Variants in HHIP observed in about 807,000 individuals in gnomAD.
HHIP encodes the protein hedgehog-interacting protein.
Under a neutral mutation model 74.0 loss-of-function variants are expected in HHIP, and 12 were observed. The observed-to-expected ratio is 0.16, with a 90% CI of 0.10 to 0.26. The LOEUF (loss-of-function observed/expected upper bound fraction) is 0.26, where lower values mean the gene tolerates loss of function less well. Ranked by LOEUF, HHIP falls within the 10% of genes least tolerant of loss-of-function variation. HHIP has a pLI of 1.00. For synonymous variants in HHIP, 309 were observed against 311.6 expected, an observed-to-expected ratio of 0.99 and a Z score of 0.09; for missense variants, 788 against 845.0, an observed-to-expected ratio of 0.93 and a Z score of 0.84.
At chr4:144,677,213 A>C (rs1729191926) in intron 4 of HHIP, among the ~76,000 whole-genome samples, 1 of 152,220 alleles carries the variant, frequency 6.6e-6, no homozygotes, top group Non-Finnish European at 1.5e-5. Flanking sequence ...TTGGGGGACA[A>C]GACAGCTTAA....
chr4:144,727,857 A>G (rs1216442664), intron 11 of HHIP, among the ~76,000 whole-genome samples: 1 of 152,152 alleles, frequency 6.6e-6, no homozygotes, highest in African/African-American at 2.4e-5. Context: ...GTACATTGCT[A>G]CCTTTTTTCC....
At chr4:144,688,822 T>A (rs896831770) in intron 4 of HHIP, among the ~76,000 whole-genome samples, 1 of 152,104 alleles carries the variant, frequency 6.6e-6, no homozygotes, top group African/African-American at 2.4e-5. Context: ...ACTTCTCAAT[T>A]CTCCTGTGTC....
chr4:144,708,380 A>G (rs1448062108), intron 7 of HHIP, 69 bp downstream of exon 7: 1 of 1,505,582 alleles, frequency 6.6e-7, no homozygotes, highest in Non-Finnish European at 9.2e-7. Flanking sequence ...GGGAAAATAT[A>G]GCATAGAGCA....
chr4:144,672,207 C>G (rs1191865473), intron 4 of HHIP, among the ~76,000 whole-genome samples: 1 of 152,044 alleles, frequency 6.6e-6, no homozygotes, highest in Non-Finnish European at 1.5e-5. Context: ...AATACAGAAA[C>G]CCAGTCAGCA....
chr4:144,681,848 G>T (rs1052345328), intron 4 of HHIP, among the ~76,000 whole-genome samples: 1 of 152,170 alleles, frequency 6.6e-6, no homozygotes, highest in African/African-American at 2.4e-5. Context: ...ATTGGCTTCT[G>T]AGCATCAAAG....
chr4:144,713,098 A>G (rs114676353), intron 8 of HHIP, among the ~76,000 whole-genome samples: 430 of 152,252 alleles, frequency 2.8e-3, no homozygotes, highest in African/African-American at 9.8e-3. Context: ...TTATTTTAAA[A>G]CACATCTACA....
chr4:144,662,555 G>A (rs1487533012), intron 4 of HHIP, among the ~76,000 whole-genome samples: 2 of 152,188 alleles, frequency 1.3e-5, no homozygotes, highest in Non-Finnish European at 2.9e-5. Flanking sequence ...AGTAAGTCAG[G>A]AATATGTTTT....
chr4:144,709,195 C>T (rs536502908), intron 7 of HHIP, among the ~76,000 whole-genome samples: 4 of 152,108 alleles, frequency 2.6e-5, no homozygotes, highest in Non-Finnish European at 5.9e-5. Context: ...TTTATAATCC[C>T]TCATGCCCTT....
chr4:144,660,187 GT>G (rs748697266), intron 4 of HHIP: 60 of 340,450 alleles, frequency 1.8e-4, no homozygotes, highest in Non-Finnish European at 3.0e-4. Flanking sequence ...AAACAAAGAG[GT>G]CTTTTGGTTA....
At chr4:144,710,718 G>C (rs1730273495) in intron 7 of HHIP, among the ~76,000 whole-genome samples, 1 of 152,082 alleles carries the variant, frequency 6.6e-6, no homozygotes, top group Admixed American at 6.6e-5. Context: ...GTGTGATGGG[G>C]GTGAGGGAGT....
In HHIP at chr4:144,719,234, A is replaced by G. The variant is rs946568968; in HGVS notation, c.1760+278A>G. ...ATCAGAGTCCTCAGTTAAAAGCCAG[A>G]AAGGGGCCCTGACGTGTGAGGCAGT... On this transcript the variant is annotated intron_variant, in intron 11 of 12. Coordinates refer to ENST00000296575, the MANE Select transcript of HHIP (RefSeq NM_022475.3). Among the ~76,000 whole-genome samples, 3 of 152,198 alleles carry G rather than the reference A, an allele frequency of 2.0e-5. No individual in the cohort carries two copies. The South Asian group carries it at 6.2e-4, about 31-fold the overall frequency.
rs1662798860 is a variant in HHIP, at chr4:144,743,621, CATGTGTGTAT to C, written c.*5667_*5676del. 6.6e-6 allele frequency: 1 copy of C among 151,802 alleles called. No individual in the cohort carries two copies. The highest frequency in any genetic ancestry group is 1.9e-4 in the East Asian group (1 of 5,184). 9.4% of individuals were successfully genotyped at this position (151,802 alleles called of 1,614,324 possible). Reference sequence around the variant, plus strand: ...TTATGTATTACTTAAATCCAAAATACATGTGTGTATATATATACATATATATGTAACTTAA... The same window carrying C: ...TTATGTATTACTTAAATCCAAAATACATATATACATATATATGTAACTTAA... On this transcript the variant is annotated 3_prime_UTR_variant, in exon 13 of 13. Coordinates refer to ENST00000296575, the MANE Select transcript of HHIP (RefSeq NM_022475.3).
intron 7 of HHIP, among the ~76,000 whole-genome samples, chr4:144,711,103 C>T (rs1730284360): frequency 6.6e-6 from 1 of 152,142 alleles, no homozygotes; most frequent in South Asian, 2.1e-4. Context: ...CTCTGGCCCC[C>T]AGATTAGGGA....
Position 144,711,933 on chromosome 4 carries a change from C to T in HHIP, c.1302-17C>T. 6.2e-7 allele frequency: 1 copy of T among 1,609,218 alleles called. No individual in the cohort carries two copies. Among genetic ancestry groups the T allele is most frequent in the Non-Finnish European group, 8.5e-7 (1 of 1,177,816 alleles). ...GATCACGGTAGGAATTAATGTGTAT[C>T]CCCTCTTGTTATGCAGATGTGCTGT... On this transcript the variant is annotated splice_polypyrimidine_tract_variant and intron_variant, in intron 7 of 12. Coordinates refer to ENST00000296575, the MANE Select transcript of HHIP (RefSeq NM_022475.3).
chr4:144,677,777 T>G (rs1340091043), intron 4 of HHIP, among the ~76,000 whole-genome samples: 1 of 152,208 alleles, frequency 6.6e-6, no homozygotes, highest in African/African-American at 2.4e-5. Context: ...TTAGAGACAT[T>G]TAAGGTTTAT....
At chr4:144,710,240 C>T (rs2126658426) in intron 7 of HHIP, among the ~76,000 whole-genome samples, 1 of 152,266 alleles carries the variant, frequency 6.6e-6, no homozygotes, top group Non-Finnish European at 1.5e-5. Context: ...TCTCTATCTT[C>T]AAAGAAAGGT....
intron 9 of HHIP, chr4:144,715,032 TATC>T: frequency 3.1e-6 from 1 of 320,210 alleles, no homozygotes; most frequent in Non-Finnish European, 6.1e-6. Context: ...GGCGAGGAAG[TATC>T]ATTCTCTGGA....
intron 1 of HHIP, among the ~76,000 whole-genome samples, chr4:144,651,957 A>T (rs1309044348): frequency 5.9e-5 from 9 of 152,006 alleles, no homozygotes; most frequent in Admixed American, 2.0e-4. Context: ...TAGTTAAAAA[A>T]TTTTTCCTGG....
intron 4 of HHIP, among the ~76,000 whole-genome samples, chr4:144,683,809 C>T (rs1473750186): frequency 2.0e-5 from 3 of 152,042 alleles, no homozygotes; most frequent in African/African-American, 7.2e-5. Context: ...CAAAGCCTTA[C>T]GTATTTAATA....
Sources: gnomAD v4.1 joint callset for allele counts (sites outside exome capture counted in the v4.1 genomes callset) on GRCh38, gnomAD v4.1.1 for gene constraint, MANE v1.5 for transcripts, NCBI Gene and HGNC (gene_info 2026-07-23, HGNC 2026-07-21) for gene names.